Variants in TKFC observed in about 807,000 individuals in gnomAD.
TKFC encodes triokinase/FMN cyclase.
Under a neutral mutation model 61.0 loss-of-function variants are expected in TKFC, and 46 were observed. That is an observed-to-expected ratio of 0.75 (90% confidence interval 0.60 to 0.96). The LOEUF (loss-of-function observed/expected upper bound fraction) is 0.96, where lower values mean the gene tolerates loss of function less well. Ranked by LOEUF, TKFC falls within the 50% of genes least tolerant of loss-of-function variation. The pLI, the probability that TKFC is intolerant of heterozygous loss-of-function variation, is 0.00. For synonymous variants in TKFC, 314 were observed against 330.1 expected, an observed-to-expected ratio of 0.95 and a Z score of 0.53; for missense variants, 715 against 777.5, an observed-to-expected ratio of 0.92 and a Z score of 0.96.
At chr11:61,335,618 C>T (rs1453310685) in intron 2 of TKFC, among the ~76,000 whole-genome samples, 1 of 152,222 alleles carries the variant, frequency 6.6e-6, no homozygotes, top group Non-Finnish European at 1.5e-5. Context: ...CCACTTCCCT[C>T]CAGCCCCTCG....
chr11:61,352,328 C>T (rs567704466), downstream of TKFC: 2 of 152,594 alleles, frequency 1.3e-5, no homozygotes, highest in African/African-American at 4.8e-5. Context: ...TTTATTTCTA[C>T]CTGAACAGTC....
rs1206032118 is a variant in TKFC at position 61,338,071 on chromosome 11, T to C, written c.134T>C (p.Leu45Pro). 1.2e-6 allele frequency: 2 copies of C among 1,611,222 alleles called. No homozygotes were observed. The highest frequency in any genetic ancestry group is 1.7e-6 in the Non-Finnish European group (2 of 1,179,566). The change falls in exon 3 of 18, where the codon CTC (leucine) becomes CCC (proline). Residue 45 changes from leucine to proline, a missense_variant. Leu to Pro is a moderately conservative substitution (Grantham distance 98). Transcript: ENST00000394900. ...GCCCTCCGTTCTGACCTGGACAGCCTCAAGGGCCGGGTGGCACTGCTGTCG... is the reference window on the plus strand; with the variant it reads ...GCCCTCCGTTCTGACCTGGACAGCCCCAAGGGCCGGGTGGCACTGCTGTCG... ...RVALRSDLDS[L>P]KGRVALLSGG...
rs1330608701 is a variant in TKFC at position 61,341,477 on chromosome 11, G to T, written c.528G>T (p.Glu176Asp). Residue 176 changes from glutamate (E) to aspartate (D), a missense_variant, in exon 6 of 18, where the codon GAG (glutamate) becomes GAT (aspartate). Glu to Asp is a conservative substitution (Grantham distance 45). Coordinates refer to ENST00000394900, the MANE Select transcript of TKFC (RefSeq NM_015533.4). Reference protein sequence around the residue: ...ALAEAGVGLEEIAKQVNVVAK... With the variant: ...ALAEAGVGLEDIAKQVNVVAK... Reference sequence around the variant, plus strand: ...CTGAGGCTGGTGTGGGGCTGGAGGAGATCGCAAAGCAGGTGAACGTGGTCG... The same window carrying T: ...CTGAGGCTGGTGTGGGGCTGGAGGATATCGCAAAGCAGGTGAACGTGGTCG... 1 of 1,555,246 alleles carries T rather than the reference G, an allele frequency of 6.4e-7. No homozygotes were observed. Among genetic ancestry groups the T allele is most frequent in the Admixed American group, 1.9e-5 (1 of 51,432 alleles).
rs201509136 is a variant in TKFC at position 61,345,812 on chromosome 11, G to A, written c.1486-45G>A. 96 of 1,614,088 alleles carry A rather than the reference G, an allele frequency of 5.9e-5. 1 individual carries two copies. The East Asian group carries it at 6.0e-4, about 10-fold the overall frequency. ...CCCTGTAAGTCTAAAGAGCACCCTCGGTTGCAGGGCCCGTGCTCAGCCCCC... is the reference window on the plus strand; with the variant it reads ...CCCTGTAAGTCTAAAGAGCACCCTCAGTTGCAGGGCCCGTGCTCAGCCCCC... On this transcript the variant is annotated intron_variant, in intron 16 of 17. Coordinates refer to ENST00000394900, the MANE Select transcript of TKFC (RefSeq NM_015533.4).
At chr11:61,343,647 C>A in intron 11 of TKFC, 189 bp downstream of exon 11, 1 of 883,708 alleles carries the variant, frequency 1.1e-6, no homozygotes, top group Non-Finnish European at 1.7e-6. Context: ...TATTAGGATC[C>A]TCCTCAGAGA....
downstream of TKFC, chr11:61,352,443 T>C (rs146692242): frequency 9.7e-3 from 1,532 of 157,612 alleles, 39 homozygotes; most frequent in African/African-American, 0.035. Context: ...GGGCAGATCA[T>C]GAGGTCAGGA....
Position 61,347,601 on chromosome 11 carries a change from C to A in TKFC, c.*1098C>A. 1.0e-6 allele frequency: 1 copy of A among 984,406 alleles called. No homozygotes were observed. The allele number at this position is 984,406 out of a possible 1,614,324, so 61.0% of individuals were successfully genotyped here. A position where few individuals can be genotyped will look rare whatever the true frequency, so the allele number is the denominator to read the frequency against. On this transcript the variant is annotated 3_prime_UTR_variant, in exon 18 of 18. Transcript: ENST00000394900. ...CCAGCCCCTAGGTCTCTTTCTAGAG[C>A]GATCACTGATGGCACCAGGGTGAGC... is the stretch of plus-strand genomic sequence containing the variant.
intron 2 of TKFC, among the ~76,000 whole-genome samples, chr11:61,336,907 T>C (rs1856630668): frequency 6.6e-6 from 1 of 152,124 alleles, no homozygotes; most frequent in African/African-American, 2.4e-5. Context: ...CATCCAGGCC[T>C]TGGCTTATGC....
downstream of TKFC, chr11:61,349,436 G>A (rs1456249177): frequency 6.0e-6 from 4 of 661,664 alleles, no homozygotes; most frequent in Non-Finnish European, 1.1e-5. Context: ...GGCCAGACCT[G>A]CCCAGCGGGA....
intron 2 of TKFC, among the ~76,000 whole-genome samples, chr11:61,335,672 C>T (rs1302656041): frequency 3.9e-5 from 6 of 152,204 alleles, no homozygotes; most frequent in African/African-American, 1.4e-4. Context: ...GCTTTGGAGC[C>T]AGGCAGACCT....
At chr11:61,345,607 G>C in intron 15 of TKFC, 42 bp downstream of exon 15, 1 of 1,612,090 alleles carries the variant, frequency 6.2e-7, no homozygotes, top group Non-Finnish European at 8.5e-7. Context: ...GTGGGCTGGG[G>C]GAGGTGTTTG....
intron 2 of TKFC, among the ~76,000 whole-genome samples, chr11:61,337,711 A>C (rs1166268062): frequency 1.3e-5 from 2 of 152,222 alleles, no homozygotes; most frequent in Non-Finnish European, 2.9e-5. Flanking sequence ...AATAAATTGA[A>C]GGTATGGTGC....
chr11:61,350,301 G>T, downstream of TKFC: 1 of 1,480,436 alleles, frequency 6.8e-7, no homozygotes. Flanking sequence ...GAAGAAAGTC[G>T]CCTGCTGAAA....
Position 61,333,261 on chromosome 11 carries a change from G to T in TKFC, c.-178G>T, listed in dbSNP as rs1052793552. On this transcript the variant is annotated 5_prime_UTR_variant, in exon 1 of 18. Coordinates refer to ENST00000394900, the MANE Select transcript of TKFC (RefSeq NM_015533.4). ...CCGCAGGACCCGGATGAGAGCGCAC[G>T]CTTCGGGGTCTCCGGGAAGTCGCGG... is the stretch of plus-strand genomic sequence containing the variant. The T allele has an allele frequency of 6.8e-6, 2 of 295,502 alleles. No homozygotes were observed. The highest frequency in any genetic ancestry group is 1.1e-4 in the East Asian group (2 of 18,264). 18.3% of individuals were successfully genotyped at this position (295,502 alleles called of 1,614,324 possible).
At position 61,345,704 on chromosome 11, in the gene TKFC, C is replaced by T. The variant is rs1857088447; in HGVS notation, c.1452-8C>T. The T allele has an allele frequency of 1.2e-6, 2 of 1,614,130 alleles. No individual in the cohort carries two copies. Among genetic ancestry groups the T allele is most frequent in the Middle Eastern group, 1.6e-4 (1 of 6,084 alleles). The stretch of plus-strand genomic sequence containing the variant: ...TAGTGAGCCTCTTTCACTCTCTTTC[C>T]CTGCCAGGTATGGCAAGGCTGCTCC... On this transcript the variant is annotated splice_region_variant and splice_polypyrimidine_tract_variant and intron_variant, in intron 15 of 17. Coordinates refer to ENST00000394900, the MANE Select transcript of TKFC (RefSeq NM_015533.4).
chr11:61,346,335 A>G lies in TKFC; in HGVS notation c.1576-16A>G, dbSNP rs200420919. ...GTGATCTGCCCTTGAACCTGCTCCC[A>G]CACCCCATCCCCCAGAGTGCCGAAG... On this transcript the variant is annotated splice_polypyrimidine_tract_variant and intron_variant, in intron 17 of 17. Coordinates refer to ENST00000394900, the MANE Select transcript of TKFC (RefSeq NM_015533.4). The surrounding 1 kb of genome is among the most constrained non-coding windows in gnomAD (Gnocchi z 4.1). 1.1e-4 allele frequency: 173 copies of G among 1,611,904 alleles called. No homozygotes were observed. The African/African-American group carries it at 2.1e-3, about 20-fold the overall frequency.
chr11:61,348,318 A>G lies in TKFC; in HGVS notation c.*1815A>G, dbSNP rs1857238608. Reference sequence around the variant, plus strand: ...AAGGACACGCACATAAATGAGCTGCATGTGAATCCACACATGCCATTCCAT... The same window carrying G: ...AAGGACACGCACATAAATGAGCTGCGTGTGAATCCACACATGCCATTCCAT... On this transcript the variant is annotated 3_prime_UTR_variant, in exon 18 of 18. Coordinates refer to ENST00000394900, the MANE Select transcript of TKFC (RefSeq NM_015533.4). 14 of 970,586 alleles carry G rather than the reference A, an allele frequency of 1.4e-5. No homozygotes were observed. The highest frequency in any genetic ancestry group is 1.8e-5 in the African/African-American group (1 of 55,814). The allele number at this position is 970,586 out of a possible 1,614,324, so 60.1% of individuals were successfully genotyped here.
Position 61,343,373 on chromosome 11 carries a change from G to C in TKFC, c.897G>C (p.Leu299=), listed in dbSNP as rs11826324. The stretch of plus-strand genomic sequence containing the variant: ...GCGGGGTGAAGATTGCCCGTGCCCT[G>C]GTGGGCACCTTCATGTCAGCACTGG... ...EGRGVKIARA[L]VGTFMSALEM... is the part of the protein sequence containing the mutation. Residue 299 remains leucine, a synonymous_variant, in exon 11 of 18, where the codon CTG becomes CTC. Coordinates refer to ENST00000394900, the MANE Select transcript of TKFC (RefSeq NM_015533.4). The C allele has an allele frequency of 2.6e-3, 4,167 of 1,614,162 alleles. 114 individuals are homozygous for C. The African/African-American group carries it at 0.049, about 19-fold the overall frequency.
intron 2 of TKFC, 65 bp downstream of exon 2, chr11:61,334,796 C>T: frequency 6.2e-7 from 1 of 1,610,912 alleles, no homozygotes; most frequent in Non-Finnish European, 8.5e-7. Flanking sequence ...CAGCCTTGGG[C>T]AAGCTAAAGC....
Sources: allele counts gnomAD v4.1 joint callset (sites outside exome capture counted in the v4.1 genomes callset), GRCh38; gene constraint gnomAD v4.1.1; non-coding constraint Gnocchi (gnomAD v3.1); transcripts MANE v1.5; gene names NCBI Gene and HGNC (gene_info 2026-07-23, HGNC 2026-07-21).